The following LRRC37A2 variants were observed in gnomAD, a reference collection of about 807,000 sequenced individuals.
LRRC37A2 encodes the protein leucine rich repeat containing 37 member A2.
Under a neutral mutation model 68.8 loss-of-function variants are expected in LRRC37A2, and 9 were observed. The observed-to-expected ratio is 0.13, with a 90% CI of 0.08 to 0.23. The LOEUF (loss-of-function observed/expected upper bound fraction) is 0.23. LRRC37A2 is among the 10% of genes least tolerant of loss of function. LRRC37A2 has a pLI of 1.00. For synonymous variants in LRRC37A2, 63 were observed against 367.6 expected (o/e 0.17, Z 9.48); for missense variants, 168 against 950.4 (o/e 0.18, Z 10.82).
At chr17:46,597,726 G>GT in the LRRC37A2 span, among the ~76,000 whole-genome samples, 4 of 101,824 alleles carry the variant, frequency 3.9e-5, no homozygotes, top group East Asian at 3.0e-4. Context: ...TTTGTTGAGA[G>GT]TTTTTTTAAT....
downstream of LRRC37A2, chr17:46,558,836 CT>C (rs765462293): frequency 0.022 from 1,575 of 71,740 alleles, 34 homozygotes; most frequent in African/African-American, 0.061. Context: ...CTCTTTTATT[CT>C]TTTTTTTTTT....
the LRRC37A2 span, among the ~76,000 whole-genome samples, chr17:46,569,012 G>A: frequency 5.6e-5 from 7 of 124,288 alleles, no homozygotes; most frequent in East Asian, 4.6e-4. Context: ...GCGCAATCTC[G>A]GCTCACTGCA....
chr17:46,986,899 A>AGGAAGGGCG, the LRRC37A2 span, among the ~76,000 whole-genome samples: 3 of 152,160 alleles, frequency 2.0e-5, no homozygotes, highest in Non-Finnish European at 4.4e-5. Context: ...CAGGAAGGGC[A>AGGAAGGGCG]GTCCCACAGA....
At chr17:47,027,657 T>C in the LRRC37A2 span, 1 of 999,090 alleles carries the variant, frequency 1.0e-6, no homozygotes, top group Non-Finnish European at 1.6e-6. Context: ...TTGATTACAT[T>C]TGGAATTTTT....
the LRRC37A2 span, among the ~76,000 whole-genome samples, chr17:46,817,374 C>T: frequency 1.3e-5 from 2 of 152,220 alleles, no homozygotes; most frequent in African/African-American, 4.8e-5. Flanking sequence ...CCTCACCTCC[C>T]CCCGCCCAGG....
chr17:47,023,173 G>C, the LRRC37A2 span, among the ~76,000 whole-genome samples: 2 of 152,148 alleles, frequency 1.3e-5, no homozygotes, highest in South Asian at 2.1e-4. Flanking sequence ...TACGTTTGTT[G>C]AACATTTGTG....
At chr17:46,982,441 C>T in the LRRC37A2 span, among the ~76,000 whole-genome samples, 1 of 152,212 alleles carries the variant, frequency 6.6e-6, no homozygotes, top group Non-Finnish European at 1.5e-5. Flanking sequence ...CTGACCTTTC[C>T]TTTATTAAGC....
chr17:46,543,816 T>A (rs915010272), intron 8 of LRRC37A2, among the ~76,000 whole-genome samples: 1 of 150,778 alleles, frequency 6.6e-6, no homozygotes, highest in African/African-American at 2.5e-5. Flanking sequence ...AAATAAAAAC[T>A]TGGGGGCAGA....
chr17:46,880,765 C>A, the LRRC37A2 span, among the ~76,000 whole-genome samples: 1 of 151,964 alleles, frequency 6.6e-6, no homozygotes, highest in South Asian at 2.1e-4. Flanking sequence ...AGGGATGGAT[C>A]GCCCCATTTT....
the LRRC37A2 span, among the ~76,000 whole-genome samples, chr17:46,944,883 A>G: frequency 6.6e-6 from 1 of 152,092 alleles, no homozygotes; most frequent in Non-Finnish European, 1.5e-5. Context: ...TACTGGCATA[A>G]GCCACCGCAG....
At chr17:46,878,544 G>A in the LRRC37A2 span, among the ~76,000 whole-genome samples, 1 of 152,212 alleles carries the variant, frequency 6.6e-6, no homozygotes, top group Non-Finnish European at 1.5e-5. Context: ...CACCTTGGCA[G>A]CAGGAGAAAA....
the LRRC37A2 span, among the ~76,000 whole-genome samples, chr17:46,877,816 T>A: frequency 6.6e-6 from 1 of 152,198 alleles, no homozygotes. Context: ...TAGTTAAGGC[T>A]TTTGCCCTGG....
the LRRC37A2 span, among the ~76,000 whole-genome samples, chr17:46,972,411 G>A: frequency 6.6e-6 from 1 of 152,248 alleles, no homozygotes; most frequent in Non-Finnish European, 1.5e-5. Flanking sequence ...GAGGGAAGGA[G>A]AACCTGGGAC....
chr17:46,745,893 TTTG>T, the LRRC37A2 span, among the ~76,000 whole-genome samples: 2 of 152,178 alleles, frequency 1.3e-5, no homozygotes, highest in African/African-American at 2.4e-5. Context: ...ACACCCAGCT[TTTG>T]TTGTTATTTT....
chr17:46,898,700 T>G, the LRRC37A2 span, among the ~76,000 whole-genome samples: 1 of 152,210 alleles, frequency 6.6e-6, no homozygotes, highest in African/African-American at 2.4e-5. Context: ...TTGCCTAATG[T>G]AGCCAGATTC....
the LRRC37A2 span, among the ~76,000 whole-genome samples, chr17:46,489,417 AT>A: frequency 9.3e-6 from 1 of 107,380 alleles, no homozygotes; most frequent in Non-Finnish European, 2.1e-5. Context: ...GGATCTCAGC[AT>A]CTGTTTGTTT....
the LRRC37A2 span, chr17:46,923,364 C>T: frequency 6.7e-7 from 1 of 1,485,528 alleles, no homozygotes; most frequent in East Asian, 2.5e-5. Flanking sequence ...CTCCGAAGTG[C>T]TTAATCCTTG....
At chr17:46,766,213 AG>A in the LRRC37A2 span, among the ~76,000 whole-genome samples, 3 of 152,174 alleles carry the variant, frequency 2.0e-5, no homozygotes, top group Admixed American at 6.5e-5. Context: ...GTTCAAGACC[AG>A]CCTGGCCAGC....
At chr17:46,981,005 G>A in the LRRC37A2 span, among the ~76,000 whole-genome samples, 2 of 152,178 alleles carry the variant, frequency 1.3e-5, no homozygotes, top group African/African-American at 2.4e-5. Context: ...GAGTAGCGAA[G>A]GGGGGTGGGG....
Sources: gnomAD v4.1 joint callset for allele counts (sites outside exome capture counted in the v4.1 genomes callset) on GRCh38, gnomAD v4.1.1 for gene constraint, MANE v1.5 for transcripts, NCBI Gene and HGNC (gene_info 2026-07-23, HGNC 2026-07-21) for gene names.